Variants in AGBL2 observed in about 807,000 individuals in gnomAD.
AGBL2 encodes cytosolic carboxypeptidase 2.
Under a neutral mutation model 103.0 loss-of-function variants are expected in AGBL2, and 87 were observed. The ratio of observed to expected loss-of-function variants is 0.84; its 90% CI spans 0.71 to 1.01. The LOEUF (loss-of-function observed/expected upper bound fraction) is 1.01, where lower values mean the gene tolerates loss of function less well. Among genes scored for constraint, AGBL2 ranks in the 50% least tolerant of loss-of-function variants. The pLI is 0.00. For missense variants in AGBL2, 904 were observed against 1,023.5 expected (o/e 0.88, Z 1.59); for synonymous variants, 335 against 356.7 (o/e 0.94, Z 0.69).
chr11:47,679,245 GTC>G (rs1171284072), intron 13 of AGBL2, among the ~76,000 whole-genome samples: 1 of 151,654 alleles, frequency 6.6e-6, no homozygotes, highest in African/African-American at 2.4e-5. Context: ...GAAAAACCCT[GTC>G]TCTATAAAAG....
chr11:47,710,236 A>T (rs1054443408), intron 4 of AGBL2, 141 bp downstream of exon 4: 28 of 973,148 alleles, frequency 2.9e-5, no homozygotes, highest in Non-Finnish European at 4.0e-5. Flanking sequence ...GTAGATTTAG[A>T]GAGAAGTTTT....
In AGBL2 at chr11:47,704,614, G is replaced by A; in HGVS notation, c.515C>T (p.Thr172Ile). ...TCTTGGAGCCTGCAGTGGCCTCTTGGTAGACAAAATGGAAAAGAGCTCTTG... is the reference window on the plus strand; with the variant it reads ...TCTTGGAGCCTGCAGTGGCCTCTTGATAGACAAAATGGAAAAGAGCTCTTG... ...EPQELFSILSTKRPLQAPRWP... is the reference protein window; with the variant it reads ...EPQELFSILSIKRPLQAPRWP... Residue 172 changes from threonine (T) to isoleucine (I), a missense_variant, in exon 7 of 19, where the codon ACC (threonine) becomes ATC (isoleucine). Physicochemically the swap from Thr to Ile is moderately conservative, Grantham distance 89. Transcript: ENST00000525123. 1 of 1,614,098 alleles carries A rather than the reference G, an allele frequency of 6.2e-7. No individual in the cohort carries two copies. Among genetic ancestry groups the A allele is most frequent in the Non-Finnish European group, 8.5e-7 (1 of 1,180,006 alleles).
chr11:47,691,673 A>AC (rs1191104955), intron 9 of AGBL2, among the ~76,000 whole-genome samples: 2 of 133,090 alleles, frequency 1.5e-5, no homozygotes, highest in Admixed American at 1.6e-4. Flanking sequence ...ATGTCACTGC[A>AC]CTCCAGCCTG....
At chr11:47,664,414 G>GTT (rs768834821) in intron 17 of AGBL2, among the ~76,000 whole-genome samples, 6 of 140,008 alleles carry the variant, frequency 4.3e-5, no homozygotes, top group Non-Finnish European at 9.4e-5. Flanking sequence ...ATCCAGCTAA[G>GTT]TTTTTTTTTT....
At chr11:47,675,421 G>C (rs1459516053) in intron 14 of AGBL2, among the ~76,000 whole-genome samples, 3 of 104,114 alleles carry the variant, frequency 2.9e-5, no homozygotes, top group African/African-American at 1.1e-4. Flanking sequence ...GTCTCACTCT[G>C]TCACCCAGGC....
chr11:47,714,426 T>C, intron 2 of AGBL2, 79 bp from the exon 3 acceptor site: 2 of 1,438,948 alleles, frequency 1.4e-6, no homozygotes, highest in African/African-American at 1.4e-5. Flanking sequence ...ATGAGCGTTG[T>C]TGCATAGGAC....
chr11:47,685,213 A>T (rs2097419224), intron 11 of AGBL2, among the ~76,000 whole-genome samples: 1 of 152,184 alleles, frequency 6.6e-6, no homozygotes, highest in Admixed American at 6.6e-5. Flanking sequence ...TCTCAAAAAA[A>T]AAAATAAAAA....
chr11:47,692,753 G>A (rs968343014), intron 8 of AGBL2, among the ~76,000 whole-genome samples: 6 of 151,652 alleles, frequency 4.0e-5, no homozygotes, highest in African/African-American at 1.5e-4. Context: ...TGCTTTTGGT[G>A]TCATATCTAG....
chr11:47,668,626 A>G (rs1251553899), intron 15 of AGBL2, among the ~76,000 whole-genome samples: 2 of 152,198 alleles, frequency 1.3e-5, no homozygotes, highest in South Asian at 2.1e-4. Flanking sequence ...TGGTTAAAAG[A>G]TTCAGTTTGG....
intron 7 of AGBL2, among the ~76,000 whole-genome samples, chr11:47,703,967 G>T (rs1376571813): frequency 2.6e-5 from 4 of 151,008 alleles, no homozygotes; most frequent in African/African-American, 4.9e-5. Context: ...CAGGCGTGGT[G>T]GCCAGGCATC....
intron 10 of AGBL2, 96 bp downstream of exon 10, chr11:47,689,980 T>G (rs1419254939): frequency 8.9e-7 from 1 of 1,117,814 alleles, no homozygotes; most frequent in Non-Finnish European, 1.3e-6. Context: ...CTCAATTCCT[T>G]TAACAACAGA....
rs189592919 is a variant in AGBL2 at position 47,663,218 on chromosome 11, G to A, written c.2449-106C>T. On this transcript the variant is annotated intron_variant, in intron 17 of 18. Transcript: ENST00000525123. ...TCTTATTCATACATGTTGATTCATT[G>A]TGATATTCCCACATAAAAGGACAGG... The A allele has an allele frequency of 1.4e-5, 10 of 715,172 alleles. No homozygotes were observed. In the East Asian group the frequency reaches 2.5e-4, roughly 18 times the overall value. The allele number at this position is 715,172 out of a possible 1,614,324, so 44.3% of individuals were successfully genotyped here.
Position 47,660,200 on chromosome 11 carries a change from T to A in AGBL2, c.2682A>T (p.Pro894=), listed in dbSNP as rs768294586. The A allele has an allele frequency of 6.2e-7, 1 of 1,614,128 alleles. No homozygotes were observed. The highest frequency in any genetic ancestry group is 8.5e-7 in the Non-Finnish European group (1 of 1,180,010). ...ACGGGTATGTGTATATGTGCAAGGA[T>A]GGGTATGCCGCCATGGCAGCACAGC... is the stretch of plus-strand genomic sequence containing the variant. ...KRGCAAMAAY[P]SLHIYTYP The change falls in exon 19 of 19, where the codon CCA becomes CCT. Residue 894 remains proline, a synonymous_variant. Transcript: ENST00000525123.
chr11:47,677,842 C>T (rs1406126585), intron 13 of AGBL2, among the ~76,000 whole-genome samples: 8 of 152,074 alleles, frequency 5.3e-5, no homozygotes, highest in Admixed American at 3.3e-4. Context: ...AACCTGCACC[C>T]CTGCTAGTAA....
intron 17 of AGBL2, among the ~76,000 whole-genome samples, chr11:47,664,887 TTTTTTTTA>T (rs1564999894): frequency 7.2e-6 from 1 of 139,500 alleles, no homozygotes; most frequent in African/African-American, 2.8e-5. Context: ...TTTTTTTTTT[TTTTTTTTA>T]ATTTTTAGCA....
At chr11:47,705,132 A>G (rs1433070759) in intron 6 of AGBL2, 1 of 154,228 alleles carries the variant, frequency 6.5e-6, no homozygotes, top group African/African-American at 2.4e-5. Context: ...ATAAAACTTT[A>G]TTCTTTTTTT....
intron 7 of AGBL2, among the ~76,000 whole-genome samples, chr11:47,703,934 A>AC (rs1345881933): frequency 2.2e-5 from 3 of 137,414 alleles, no homozygotes; most frequent in Non-Finnish European, 5.0e-5. Context: ...TCAAAAAAAA[A>AC]AAAAAACAAA....
chr11:47,670,612 T>G (rs2097354474), intron 14 of AGBL2, among the ~76,000 whole-genome samples: 1 of 151,868 alleles, frequency 6.6e-6, no homozygotes, highest in Admixed American at 6.6e-5. Flanking sequence ...TCCCCACACT[T>G]TGGGAGGCCA....
chr11:47,704,947 T>C (rs1420407491), intron 6 of AGBL2, among the ~76,000 whole-genome samples: 1 of 152,198 alleles, frequency 6.6e-6, no homozygotes, highest in Non-Finnish European at 1.5e-5. Context: ...AATGTTTAAA[T>C]ATAAAGCTTT....
Sources: allele counts gnomAD v4.1 joint callset (sites outside exome capture counted in the v4.1 genomes callset), GRCh38; gene constraint gnomAD v4.1.1; transcripts MANE v1.5; gene names NCBI Gene and HGNC (gene_info 2026-07-23, HGNC 2026-07-21).